DCAF6: variants seen among roughly 807,000 people sequenced by gnomAD.
The protein encoded by DCAF6 is DDB1- and CUL4-associated factor 6.
A neutral mutation model predicts 125.1 loss-of-function variants in DCAF6; 54 were observed. The observed-to-expected ratio is 0.43, with a 90% confidence interval of 0.35 to 0.54. The LOEUF is 0.54. Ranked by LOEUF, DCAF6 falls within the 20% of genes least tolerant of loss-of-function variation. The pLI, the probability that DCAF6 is intolerant of heterozygous loss-of-function variation, is 0.01. For missense variants in DCAF6, 934 were observed against 1,161.7 expected, an observed-to-expected ratio of 0.80 and a Z score of 2.85; for synonymous variants, 371 against 390.4, an observed-to-expected ratio of 0.95 and a Z score of 0.58.
chr1:167,902,386 A>G, the DCAF6 span, among the ~76,000 whole-genome samples: 1 of 152,238 alleles, frequency 6.6e-6, no homozygotes, highest in South Asian at 2.1e-4. Context: ...TTATTGATCA[A>G]TATATGTTAT....
At chr1:167,964,471 T>C (rs1479010503) in intron 2 of DCAF6, among the ~76,000 whole-genome samples, 1 of 152,188 alleles carries the variant, frequency 6.6e-6, no homozygotes, top group East Asian at 1.9e-4. Context: ...TCTTTCAGGA[T>C]TTTTTCTTAT....
chr1:167,942,769 G>A (rs945547943), intron 1 of DCAF6, among the ~76,000 whole-genome samples: 2 of 152,150 alleles, frequency 1.3e-5, no homozygotes, highest in Admixed American at 6.5e-5. Flanking sequence ...TGATCTAACA[G>A]TGTGTGGAAA....
intron 4 of DCAF6, among the ~76,000 whole-genome samples, chr1:167,977,698 T>C (rs1402105880): frequency 1.3e-5 from 2 of 152,176 alleles, no homozygotes; most frequent in Non-Finnish European, 2.9e-5. Context: ...TCTCTCCATT[T>C]TTTTGTAGTC....
intron 7 of DCAF6, among the ~76,000 whole-genome samples, chr1:167,997,689 A>G (rs1681949882): frequency 6.6e-6 from 1 of 152,186 alleles, no homozygotes; most frequent in African/African-American, 2.4e-5. Context: ...AAATAAAAAT[A>G]AAAAGAGTGA....
chr1:167,953,581 T>C (rs560822451), intron 2 of DCAF6, among the ~76,000 whole-genome samples: 1 of 152,070 alleles, frequency 6.6e-6, no homozygotes, highest in Admixed American at 6.6e-5. Flanking sequence ...AGACAAAGAG[T>C]ATATTATGTG....
chr1:167,919,828 C>A, the DCAF6 span: 2 of 498,592 alleles, frequency 4.0e-6, no homozygotes, highest in Admixed American at 7.6e-5. Flanking sequence ...TTAGATACTT[C>A]TTGTCTTAGC....
chr1:167,920,399 T>C, the DCAF6 span: 19 of 851,154 alleles, frequency 2.2e-5, no homozygotes, highest in Non-Finnish European at 3.4e-5. Context: ...CCTCCATCCA[T>C]AACTTAATAA....
chr1:167,994,725 T>C (rs1681404188), intron 7 of DCAF6, among the ~76,000 whole-genome samples: 1 of 152,194 alleles, frequency 6.6e-6, no homozygotes, highest in African/African-American at 2.4e-5. Flanking sequence ...TTCCTCAACA[T>C]GTTTTTCACT....
chr1:168,063,570 T>G (rs1292696997), intron 17 of DCAF6, 51 bp from the exon 18 acceptor site: 1 of 1,360,554 alleles, frequency 7.3e-7, no homozygotes, highest in Non-Finnish European at 9.7e-7. Context: ...CTCATTATTC[T>G]TTGTGAATAT....
chr1:168,016,056 C>T (rs920590930), intron 11 of DCAF6, 105 bp downstream of exon 11: 14 of 1,012,960 alleles, frequency 1.4e-5, no homozygotes, highest in Non-Finnish European at 1.7e-5. Context: ...AGAGCTAATG[C>T]GCTTGCAGCT....
At chr1:167,913,636 C>T in the DCAF6 span, among the ~76,000 whole-genome samples, 106 of 151,878 alleles carry the variant, frequency 7.0e-4, no homozygotes, top group African/African-American at 2.5e-3. Context: ...TCTTTGTTTA[C>T]TCCACAGCAC....
chr1:167,985,646 C>T (rs1337552619), intron 4 of DCAF6, among the ~76,000 whole-genome samples: 3 of 152,052 alleles, frequency 2.0e-5, no homozygotes, highest in East Asian at 1.9e-4. Context: ...GTAAAGTATT[C>T]GTAGGTTCTA....
At chr1:167,884,513 A>G in the DCAF6 span, among the ~76,000 whole-genome samples, 1 of 152,068 alleles carries the variant, frequency 6.6e-6, no homozygotes, top group African/African-American at 2.4e-5. Context: ...AAACCATATC[A>G]ATGATTAAAT....
chr1:167,936,854 C>T lies in DCAF6; in HGVS notation c.-58C>T. 2.3e-6 allele frequency: 3 copies of T among 1,289,360 alleles called. No individual in the cohort carries two copies. The highest frequency in any genetic ancestry group is 1.3e-5 in the South Asian group (1 of 78,610). 79.9% of individuals were successfully genotyped at this position (1,289,360 alleles called of 1,614,324 possible). A position where few individuals can be genotyped will look rare whatever the true frequency, so the allele number is the denominator to read the frequency against. On this transcript the variant is annotated 5_prime_UTR_variant, in exon 1 of 22. Coordinates refer to ENST00000367840, the MANE Select transcript of DCAF6 (RefSeq NM_001198956.2). The stretch of plus-strand genomic sequence containing the variant: ...TCGGGTGTTGAAACGGGTGTCCCCT[C>T]CCCCTCCTCCCCTCCCCCACGCGGT...
At chr1:168,057,202 T>A (rs1438055716) in intron 17 of DCAF6, among the ~76,000 whole-genome samples, 3 of 152,198 alleles carry the variant, frequency 2.0e-5, no homozygotes, top group Non-Finnish European at 4.4e-5. Flanking sequence ...TATGAAAGGG[T>A]TTACCATCTT....
At chr1:167,958,191 C>T (rs1433310005) in intron 2 of DCAF6, among the ~76,000 whole-genome samples, 3 of 151,876 alleles carry the variant, frequency 2.0e-5, no homozygotes, top group Non-Finnish European at 2.9e-5. Context: ...CTGTTGGTGC[C>T]GTATTTAAGA....
intron 1 of DCAF6, among the ~76,000 whole-genome samples, chr1:167,948,048 A>T (rs1199006990): frequency 6.6e-6 from 1 of 150,794 alleles, no homozygotes. Flanking sequence ...TTAGTACTCC[A>T]GTGTCGGGTG....
chr1:168,066,901 A>G (rs1692413385), intron 20 of DCAF6, among the ~76,000 whole-genome samples: 1 of 152,080 alleles, frequency 6.6e-6, no homozygotes, highest in Non-Finnish European at 1.5e-5. Context: ...GTTTTTCAGG[A>G]TTAGTATATA....
the DCAF6 span, chr1:167,901,669 G>T: frequency 1.9e-6 from 3 of 1,614,040 alleles, no homozygotes; most frequent in South Asian, 1.1e-5. Flanking sequence ...TACCTATCTT[G>T]ACTCGGATGT....
Sources: gnomAD v4.1 joint callset for allele counts (sites outside exome capture counted in the v4.1 genomes callset) on GRCh38, gnomAD v4.1.1 for gene constraint, MANE v1.5 for transcripts, NCBI Gene and HGNC (gene_info 2026-07-23, HGNC 2026-07-21) for gene names.